The following TRDN variants were observed in gnomAD, a reference collection of about 807,000 sequenced individuals.
TRDN encodes triadin in skeletal muscle.
TRDN carries 161 observed loss-of-function variants against 149.7 expected under a neutral mutation model. The observed-to-expected ratio is 1.08, with a 90% confidence interval of 0.95 to 1.23. The LOEUF is 1.23. Ranked by LOEUF, TRDN falls within the 50% of genes most tolerant of loss-of-function variation. TRDN has a pLI of 0.00. For missense variants in TRDN, 896 were observed against 823.5 expected, an observed-to-expected ratio of 1.09 and a Z score of -1.08; for synonymous variants, 294 against 250.5, an observed-to-expected ratio of 1.17 and a Z score of -1.64.
intron 9 of TRDN, among the ~76,000 whole-genome samples, chr6:123,472,283 C>G (rs1172150013): frequency 6.6e-6 from 1 of 152,202 alleles, no homozygotes; most frequent in East Asian, 1.9e-4. Flanking sequence ...TGCAAGGGGT[C>G]AGGGAGTTCC....
At chr6:123,495,728 G>T (rs1026075341) in intron 9 of TRDN, among the ~76,000 whole-genome samples, 2 of 151,948 alleles carry the variant, frequency 1.3e-5, no homozygotes, top group African/African-American at 4.8e-5. Context: ...TTCTCTTCAT[G>T]TAGGGAACTC....
chr6:123,517,760 C>A (rs1280800037), intron 5 of TRDN, among the ~76,000 whole-genome samples: 2 of 151,914 alleles, frequency 1.3e-5, no homozygotes, highest in Non-Finnish European at 2.9e-5. Flanking sequence ...TTCCCTATTC[C>A]ATGCACTCTT....
At chr6:123,557,067 C>T (rs1195176140) in intron 2 of TRDN, among the ~76,000 whole-genome samples, 2 of 149,856 alleles carry the variant, frequency 1.3e-5, no homozygotes, top group East Asian at 4.0e-4. Flanking sequence ...CCCACCCCTG[C>T]CCGCCAGAGA....
intron 24 of TRDN, among the ~76,000 whole-genome samples, chr6:123,310,818 GAA>G (rs983880377): frequency 1.3e-5 from 2 of 151,774 alleles, no homozygotes; most frequent in African/African-American, 4.8e-5. Context: ...ACCCATTTTG[GAA>G]AAAAATAATA....
chr6:123,246,377 A>G (rs945918125), intron 38 of TRDN, among the ~76,000 whole-genome samples: 7 of 152,130 alleles, frequency 4.6e-5, no homozygotes, highest in African/African-American at 1.7e-4. Flanking sequence ...TCAAATAGAC[A>G]CAATAAAAAA....
At chr6:123,556,731 C>A (rs904526391) in intron 2 of TRDN, among the ~76,000 whole-genome samples, 6 of 151,328 alleles carry the variant, frequency 4.0e-5, no homozygotes, top group African/African-American at 1.5e-4. Flanking sequence ...CTGGATAATA[C>A]CAATATTAGA....
chr6:123,560,207 C>G (rs1781909588), intron 2 of TRDN, among the ~76,000 whole-genome samples: 1 of 152,128 alleles, frequency 6.6e-6, no homozygotes, highest in Non-Finnish European at 1.5e-5. Flanking sequence ...TCATAACTTC[C>G]AAAATCTATT....
At chr6:123,448,343 T>A (rs1775527830) in intron 10 of TRDN, among the ~76,000 whole-genome samples, 1 of 152,006 alleles carries the variant, frequency 6.6e-6, no homozygotes, top group Non-Finnish European at 1.5e-5. Context: ...TCGGGCAAGT[T>A]TTCAAGCCCA....
intron 2 of TRDN, among the ~76,000 whole-genome samples, chr6:123,568,368 G>T (rs1255827675): frequency 1.3e-5 from 2 of 152,150 alleles, no homozygotes; most frequent in Non-Finnish European, 2.9e-5. Context: ...GAGGACAGTG[G>T]CCTCCTTCCC....
chr6:123,383,079 A>G (rs1425449561), intron 14 of TRDN, among the ~76,000 whole-genome samples: 2 of 152,070 alleles, frequency 1.3e-5, no homozygotes, highest in Non-Finnish European at 2.9e-5. Context: ...TCTGGCTTGG[A>G]ACCTAGAACA....
intron 38 of TRDN, among the ~76,000 whole-genome samples, chr6:123,234,001 A>G (rs1444209186): frequency 6.6e-6 from 1 of 152,028 alleles, no homozygotes. Flanking sequence ...TAATCTACCC[A>G]AAATTTCTAT....
At chr6:123,335,476 T>C (rs555218689) in intron 22 of TRDN, among the ~76,000 whole-genome samples, 1 of 151,804 alleles carries the variant, frequency 6.6e-6, no homozygotes, top group Non-Finnish European at 1.5e-5. Flanking sequence ...TGATTATTGA[T>C]TTAGGATGAT....
At chr6:123,451,110 G>A (rs1775741272) in intron 10 of TRDN, among the ~76,000 whole-genome samples, 1 of 152,084 alleles carries the variant, frequency 6.6e-6, no homozygotes, top group South Asian at 2.1e-4. Context: ...AGTGCTGAGA[G>A]GAAAGTTCAT....
chr6:123,385,026 T>C (rs1781854935), intron 14 of TRDN, among the ~76,000 whole-genome samples: 2 of 152,186 alleles, frequency 1.3e-5, no homozygotes, highest in African/African-American at 2.4e-5. Context: ...TCCCAGCACC[T>C]GTGATTTAAA....
intron 5 of TRDN, among the ~76,000 whole-genome samples, chr6:123,525,370 G>T (rs1220530870): frequency 6.6e-6 from 1 of 152,098 alleles, no homozygotes; most frequent in Non-Finnish European, 1.5e-5. Flanking sequence ...ATACTATTCA[G>T]TCATAAAAAA....
chr6:123,605,636 A>G (rs1219338358), intron 1 of TRDN, among the ~76,000 whole-genome samples: 1 of 151,098 alleles, frequency 6.6e-6, no homozygotes, highest in Non-Finnish European at 1.5e-5. Flanking sequence ...GTGGTTGTAT[A>G]GACTTATAAC....
intron 4 of TRDN, among the ~76,000 whole-genome samples, chr6:123,530,783 G>A (rs929535318): frequency 3.3e-5 from 5 of 151,800 alleles, no homozygotes; most frequent in African/African-American, 9.7e-5. Flanking sequence ...CAAAATTAGA[G>A]TTATTTGGAA....
At chr6:123,492,203 G>T (rs1031040499) in intron 9 of TRDN, among the ~76,000 whole-genome samples, 1 of 152,022 alleles carries the variant, frequency 6.6e-6, no homozygotes, top group Non-Finnish European at 1.5e-5. Flanking sequence ...ATAAATTACC[G>T]TGACATAATT....
At chr6:123,242,527 G>A (rs1045048671) in intron 38 of TRDN, among the ~76,000 whole-genome samples, 2 of 152,010 alleles carry the variant, frequency 1.3e-5, no homozygotes, top group Non-Finnish European at 2.9e-5. Context: ...CAAGAGGCTG[G>A]GAGCAAGATG....
Sources: allele counts gnomAD v4.1 joint callset (sites outside exome capture counted in the v4.1 genomes callset), GRCh38; gene constraint gnomAD v4.1.1; transcripts MANE v1.5; gene names NCBI Gene and HGNC (gene_info 2026-07-23, HGNC 2026-07-21).